Variants in DPP6 observed in about 807,000 individuals in gnomAD.
The protein encoded by DPP6 is dipeptidyl peptidase like 6.
Under a neutral mutation model 122.6 loss-of-function variants are expected in DPP6, and 69 were observed. That is an observed-to-expected ratio of 0.56 (90% CI 0.46 to 0.69). The LOEUF (loss-of-function observed/expected upper bound fraction) is 0.69. DPP6 is among the 30% of genes least tolerant of loss of function. The pLI is 0.00. For missense variants in DPP6, 928 were observed against 1,116.9 expected, an observed-to-expected ratio of 0.83 and a Z score of 2.41; for synonymous variants, 418 against 433.1, an observed-to-expected ratio of 0.97 and a Z score of 0.43.
At chr7:153,778,575 A>G in the DPP6 span, among the ~76,000 whole-genome samples, 3 of 149,456 alleles carry the variant, frequency 2.0e-5, no homozygotes, top group Non-Finnish European at 4.4e-5. Flanking sequence ...ATACTCAACC[A>G]TGTCTACAAT....
chr7:154,318,054 G>A (rs1262032042), intron 1 of DPP6, among the ~76,000 whole-genome samples: 1 of 152,200 alleles, frequency 6.6e-6, no homozygotes, highest in Non-Finnish European at 1.5e-5. Flanking sequence ...GGTAGTTTAT[G>A]TGTTGATCCA....
At chr7:154,825,144 G>A (rs1800058596) in intron 16 of DPP6, among the ~76,000 whole-genome samples, 1 of 152,198 alleles carries the variant, frequency 6.6e-6, no homozygotes, top group African/African-American at 2.4e-5. Flanking sequence ...TATACCAGAT[G>A]GCCAAAGAGG....
chr7:154,424,534 TCTCC>T (rs1205511904), intron 1 of DPP6, among the ~76,000 whole-genome samples: 4 of 152,116 alleles, frequency 2.6e-5, no homozygotes, highest in Non-Finnish European at 4.4e-5. Context: ...CACCGACTCT[TCTCC>T]CTCCCTCTTC....
At chr7:153,915,059 T>A (rs1011429508) in intron 1 of DPP6, among the ~76,000 whole-genome samples, 4 of 152,228 alleles carry the variant, frequency 2.6e-5, no homozygotes, top group Admixed American at 2.0e-4. Context: ...CTGCTGTACG[T>A]GTGATTTCTC....
the DPP6 span, among the ~76,000 whole-genome samples, chr7:153,750,301 TTA>T: frequency 6.6e-6 from 1 of 151,884 alleles, no homozygotes; most frequent in South Asian, 2.1e-4. Context: ...ATTTGAGTAG[TTA>T]TATGTTTCAC....
In DPP6 at chr7:153,907,307, T is replaced by C. The variant is rs547648293; in HGVS notation, c.51+19573T>C. Among the ~76,000 whole-genome samples the C allele has an allele frequency of 9.8e-4, 150 of 152,294 alleles. 1 individual carries two copies. Among genetic ancestry groups the C allele is most frequent in the Non-Finnish European group, 9.8e-4 (67 of 68,024 alleles). ...GTTGGCCAAGAGCTAAGCATTCTGA[T>C]GGCTTCGTGTGGATCAAATCACAGC... On this transcript the variant is annotated intron_variant, in intron 1 of 25. Transcript: ENST00000404039.
intron 17 of DPP6, among the ~76,000 whole-genome samples, chr7:154,862,584 G>A (rs952911594): frequency 6.6e-6 from 1 of 152,176 alleles, no homozygotes; most frequent in African/African-American, 2.4e-5. Flanking sequence ...TACCTAATGC[G>A]GGAGGAGAGC....
chr7:154,561,401 G>A (rs889455281), intron 4 of DPP6, among the ~76,000 whole-genome samples: 1 of 152,140 alleles, frequency 6.6e-6, no homozygotes, highest in Non-Finnish European at 1.5e-5. Flanking sequence ...TACAAAGTAT[G>A]TTCTTTAACA....
At chr7:153,865,554 T>C in the DPP6 span, among the ~76,000 whole-genome samples, 3 of 152,210 alleles carry the variant, frequency 2.0e-5, no homozygotes, top group African/African-American at 7.2e-5. Flanking sequence ...TTAAATTACA[T>C]ATAAAAATAT....
chr7:154,356,519 G>T (rs997280756), intron 1 of DPP6, among the ~76,000 whole-genome samples: 1 of 151,906 alleles, frequency 6.6e-6, no homozygotes, highest in Non-Finnish European at 1.5e-5. Context: ...AGTGAGCTGT[G>T]ATTGTACCAC....
intron 1 of DPP6, among the ~76,000 whole-genome samples, chr7:154,212,348 T>G (rs1330153807): frequency 2.6e-5 from 4 of 152,198 alleles, no homozygotes; most frequent in Non-Finnish European, 5.9e-5. Context: ...AATAAAGACA[T>G]CTAGCTCATA....
chr7:154,053,840 T>C (rs1466786653), intron 1 of DPP6, among the ~76,000 whole-genome samples: 1 of 145,712 alleles, frequency 6.9e-6, no homozygotes, highest in East Asian at 2.0e-4. Context: ...GTTTCAAAGG[T>C]TGGATTTGCA....
At chr7:153,818,899 A>G in the DPP6 span, among the ~76,000 whole-genome samples, 2 of 151,676 alleles carry the variant, frequency 1.3e-5, no homozygotes, top group Admixed American at 1.3e-4. Flanking sequence ...TTACAGGTGC[A>G]TGCCACCACG....
chr7:154,574,957 GTT>G (rs1247117130), intron 5 of DPP6, among the ~76,000 whole-genome samples: 1 of 142,794 alleles, frequency 7.0e-6, no homozygotes, highest in Non-Finnish European at 1.5e-5. Context: ...TGTGATGTGT[GTT>G]TTTGTGTGGT....
chr7:154,150,472 G>C (rs1176778583), intron 1 of DPP6, among the ~76,000 whole-genome samples: 1 of 152,212 alleles, frequency 6.6e-6, no homozygotes, highest in East Asian at 1.9e-4. Flanking sequence ...AGCAAAAGGG[G>C]AATTGTTTGC....
chr7:154,507,744 G>C (rs1400157879), intron 3 of DPP6, among the ~76,000 whole-genome samples: 1 of 152,168 alleles, frequency 6.6e-6, no homozygotes, highest in Non-Finnish European at 1.5e-5. Flanking sequence ...CAGCCAATCT[G>C]TGTCTGAATG....
At chr7:154,074,873 A>G (rs1803442324) in intron 1 of DPP6, among the ~76,000 whole-genome samples, 1 of 151,600 alleles carries the variant, frequency 6.6e-6, no homozygotes, top group South Asian at 2.1e-4. Flanking sequence ...ATGTGTTGTC[A>G]AAGCGGGAGA....
At chr7:154,324,609 T>C (rs959587544) in intron 1 of DPP6, among the ~76,000 whole-genome samples, 1 of 152,076 alleles carries the variant, frequency 6.6e-6, no homozygotes, top group African/African-American at 2.4e-5. Context: ...GCAGGCTCCA[T>C]GTCTGGGTTG....
At chr7:154,873,823 C>T (rs1014126584) in intron 19 of DPP6, among the ~76,000 whole-genome samples, 21 of 139,428 alleles carry the variant, frequency 1.5e-4, no homozygotes, top group African/African-American at 4.3e-4. Context: ...CATGCACACA[C>T]GCATACATAA....
Sources: gnomAD v4.1 joint callset for allele counts (sites outside exome capture counted in the v4.1 genomes callset) on GRCh38, gnomAD v4.1.1 for gene constraint, MANE v1.5 for transcripts, NCBI Gene and HGNC (gene_info 2026-07-23, HGNC 2026-07-21) for gene names.